LIN52: variants seen among roughly 807,000 people sequenced by gnomAD.
LIN52 encodes protein lin-52 homolog.
Under a neutral mutation model 18.5 loss-of-function variants are expected in LIN52, and 4 were observed. The ratio of observed to expected loss-of-function variants is 0.22; its 90% CI spans 0.11 to 0.49. The LOEUF is 0.49. Ranked by LOEUF, LIN52 falls within the 20% of genes least tolerant of loss-of-function variation. LIN52 has a pLI of 0.97. For missense variants in LIN52, 102 were observed against 139.5 expected (o/e 0.73, Z 1.35); for synonymous variants, 34 against 45.5 (o/e 0.75, Z 1.02).
chr14:74,198,599 A>G (rs1184957568), intron 5 of LIN52, among the ~76,000 whole-genome samples: 4 of 152,220 alleles, frequency 2.6e-5, no homozygotes, highest in Admixed American at 6.5e-5. Flanking sequence ...GATAGTGAAC[A>G]TGAGTATTAG....
chr14:74,097,692 C>T (rs1351058055), intron 3 of LIN52, 102 bp from the exon 4 acceptor site: 6 of 808,462 alleles, frequency 7.4e-6, no homozygotes, highest in African/African-American at 7.0e-5. Context: ...ATCCGCCCAC[C>T]TTGGCAGCCA....
At chr14:74,186,460 G>T (rs2139590858) in intron 5 of LIN52, among the ~76,000 whole-genome samples, 1 of 151,894 alleles carries the variant, frequency 6.6e-6, no homozygotes, top group East Asian at 2.0e-4. Flanking sequence ...CATGGAGCAT[G>T]AAAGTAAATA....
intron 5 of LIN52, among the ~76,000 whole-genome samples, chr14:74,111,303 T>G (rs2060925450): frequency 6.6e-6 from 1 of 152,046 alleles, no homozygotes; most frequent in Admixed American, 6.6e-5. Flanking sequence ...CACCTTTTTG[T>G]TTTTTTGGAG....
intron 5 of LIN52, among the ~76,000 whole-genome samples, chr14:74,190,727 C>T (rs1048636770): frequency 2.6e-5 from 4 of 152,066 alleles, no homozygotes; most frequent in African/African-American, 4.8e-5. Flanking sequence ...TCAAGGCTGC[C>T]GACCTTCAAA....
chr14:74,198,139 T>A (rs1283388615), intron 5 of LIN52, among the ~76,000 whole-genome samples: 1 of 152,208 alleles, frequency 6.6e-6, no homozygotes, highest in Non-Finnish European at 1.5e-5. Flanking sequence ...AAGGGGCTGT[T>A]ACACTACGTA....
intron 5 of LIN52, among the ~76,000 whole-genome samples, chr14:74,105,006 CTG>C (rs1163911046): frequency 2.0e-5 from 3 of 152,156 alleles, no homozygotes; most frequent in African/African-American, 4.8e-5. Context: ...CTAAAAAGGA[CTG>C]TATCTTATCA....
chr14:74,147,316 C>T lies in LIN52; in HGVS notation c.283+46078C>T, dbSNP rs2061156294. Among the ~76,000 whole-genome samples, 3 of 152,074 alleles carry T rather than the reference C, an allele frequency of 2.0e-5. No individual in the cohort carries two copies. The South Asian group carries it at 6.2e-4, about 32-fold the overall frequency. ...TAAAATAAAATTGGACCCTCTACCT[C>T]ATATCATATAAAAAATTAACTCAAA... On this transcript the variant is annotated intron_variant, in intron 5 of 5. Transcript: ENST00000555028.
rs2060755390 is a variant in LIN52 at position 74,089,210 on chromosome 14, A to G, written c.20-2022A>G. Among the ~76,000 whole-genome samples, 3 of 152,138 alleles carry G rather than the reference A, an allele frequency of 2.0e-5. No homozygotes were observed. The South Asian group carries it at 6.2e-4, about 31-fold the overall frequency. On this transcript the variant is annotated intron_variant, in intron 1 of 5. Transcript: ENST00000555028. ...AAGGTAGAAACGACTAGATTTACTC[A>G]TGGATTGGTTATGGAAGGGTGAAGG...
At chr14:74,099,543 A>G (rs1485481079) in intron 4 of LIN52, among the ~76,000 whole-genome samples, 3 of 152,138 alleles carry the variant, frequency 2.0e-5, no homozygotes, top group Non-Finnish European at 1.5e-5. Context: ...ATTGGGTGCT[A>G]TTTAAATAAA....
rs555549665 is a variant in LIN52 at position 74,112,358 on chromosome 14, A to G, written c.283+11120A>G. Reference sequence around the variant, plus strand: ...GGTTTCCCTCTGTTGCCCAGGCTGGAGTGTAGCAGCACAATCTCGGCTCAC... The same window carrying G: ...GGTTTCCCTCTGTTGCCCAGGCTGGGGTGTAGCAGCACAATCTCGGCTCAC... On this transcript the variant is annotated intron_variant, in intron 5 of 5. Transcript: ENST00000555028. Among the ~76,000 whole-genome samples the G allele has an allele frequency of 3.3e-5, 5 of 150,604 alleles. No homozygotes were observed. In the East Asian group the frequency reaches 9.7e-4, roughly 29 times the overall value.
intron 5 of LIN52, among the ~76,000 whole-genome samples, chr14:74,115,283 C>A (rs966479047): frequency 2.6e-5 from 4 of 152,214 alleles, no homozygotes; most frequent in African/African-American, 7.2e-5. Context: ...TATTTAAAGT[C>A]ATTGCCAACT....
intron 5 of LIN52, among the ~76,000 whole-genome samples, chr14:74,165,267 A>G (rs1001913976): frequency 6.6e-6 from 1 of 152,118 alleles, no homozygotes; most frequent in African/African-American, 2.4e-5. Context: ...TAAGGTGGGA[A>G]GGGGGAAAAA....
chr14:74,138,810 A>G (rs1175891748), intron 5 of LIN52, among the ~76,000 whole-genome samples: 6 of 152,088 alleles, frequency 3.9e-5, no homozygotes, highest in Non-Finnish European at 7.4e-5. Context: ...GAATAACTTA[A>G]CAATTTAAAC....
At chr14:74,107,732 C>G (rs930599366) in intron 5 of LIN52, among the ~76,000 whole-genome samples, 4 of 152,134 alleles carry the variant, frequency 2.6e-5, no homozygotes, top group African/African-American at 9.7e-5. Context: ...AAATGACCTA[C>G]TTACTAGCTA....
Position 74,092,328 on chromosome 14 carries a change from G to A in LIN52, c.94+1022G>A, listed in dbSNP as rs113032582. Among the ~76,000 whole-genome samples the A allele has an allele frequency of 4.1e-3, 594 of 146,190 alleles. 9 individuals carry two copies. The highest frequency in any genetic ancestry group is 0.037 in the East Asian group (179 of 4,898). ...ATATATATATATGTTTTTTTTAGAC[G>A]GAGTTTCGCTCTAGTTGCCCAGGCT... On this transcript the variant is annotated intron_variant, in intron 2 of 5. Coordinates refer to ENST00000555028, the MANE Select transcript of LIN52 (RefSeq NM_001024674.3).
intron 5 of LIN52, among the ~76,000 whole-genome samples, chr14:74,177,055 A>G (rs181984426): frequency 2.3e-4 from 35 of 151,512 alleles, no homozygotes; most frequent in Non-Finnish European, 4.3e-4. Context: ...CCGGAGTGCA[A>G]TGGTGCGATC....
intron 5 of LIN52, among the ~76,000 whole-genome samples, chr14:74,184,994 C>A (rs1285101413): frequency 6.6e-6 from 1 of 151,784 alleles, no homozygotes; most frequent in East Asian, 1.9e-4. Flanking sequence ...ATGGAAGACC[C>A]TAGTAACCTT....
rs71115964 is a variant in LIN52, at chr14:74,157,035, CT to C, written c.284-41873del. Reference sequence around the variant, plus strand: ...TGTATGTATACCATATTTTCTTTTTCTTTTTTTTTTTTTTGAGACAGAATTT... The same window carrying C: ...TGTATGTATACCATATTTTCTTTTTCTTTTTTTTTTTTTGAGACAGAATTT... On this transcript the variant is annotated intron_variant, in intron 5 of 5. Coordinates refer to ENST00000555028, the MANE Select transcript of LIN52 (RefSeq NM_001024674.3). Among the ~76,000 whole-genome samples, 642 of 138,302 alleles carry C rather than the reference CT, an allele frequency of 4.6e-3. 5 individuals carry two copies. Among genetic ancestry groups the C allele is most frequent in the Middle Eastern group, 0.033 (9 of 270 alleles). 90.7% of individuals were successfully genotyped at this position (138,302 alleles called of 152,430 possible).
intron 5 of LIN52, among the ~76,000 whole-genome samples, chr14:74,189,504 G>A (rs539788416): frequency 1.3e-5 from 2 of 152,252 alleles, no homozygotes; most frequent in South Asian, 2.1e-4. Context: ...CTCATTTCTC[G>A]AACACAGATC....
Sources: gnomAD v4.1 joint callset for allele counts (sites outside exome capture counted in the v4.1 genomes callset) on GRCh38, gnomAD v4.1.1 for gene constraint, MANE v1.5 for transcripts, NCBI Gene and HGNC (gene_info 2026-07-23, HGNC 2026-07-21) for gene names.